The following GSDMC variants were observed in gnomAD, a reference collection of about 807,000 sequenced individuals.
GSDMC encodes gasdermin C, also known as gasdermin-C.
In GSDMC, 59 loss-of-function variants were observed where a neutral mutation model predicts 58.0. The ratio of observed to expected loss-of-function variants is 1.02; its 90% confidence interval spans 0.82 to 1.26. GSDMC has a LOEUF of 1.26. Ranked by LOEUF, GSDMC falls within the 50% of genes most tolerant of loss-of-function variation. GSDMC has a pLI of 0.00. For synonymous variants in GSDMC, 241 were observed against 220.2 expected (o/e 1.09, Z -0.83); for missense variants, 659 against 598.5 (o/e 1.10, Z -1.06).
chr8:129,707,297 C>A, the GSDMC span: 3 of 152,114 alleles, frequency 2.0e-5, no homozygotes, highest in Non-Finnish European at 2.9e-5. Context: ...GCACAATCTG[C>A]AGGGCCCAAT....
the GSDMC span, among the ~76,000 whole-genome samples, chr8:129,716,878 G>A: frequency 6.6e-6 from 1 of 152,270 alleles, no homozygotes; most frequent in South Asian, 2.1e-4. Flanking sequence ...ACATAATCAT[G>A]TAGTTTTTGC....
chr8:129,783,832 C>T (rs187553090), intron 1 of GSDMC, among the ~76,000 whole-genome samples: 2 of 152,264 alleles, frequency 1.3e-5, no homozygotes, highest in Admixed American at 6.5e-5. Flanking sequence ...TATTATCTGA[C>T]ATCAAATTAT....
At chr8:129,712,646 T>C in the GSDMC span, among the ~76,000 whole-genome samples, 5 of 152,230 alleles carry the variant, frequency 3.3e-5, no homozygotes, top group Admixed American at 1.3e-4. Context: ...GGGAAGTAGA[T>C]ATGTTATGAA....
chr8:129,751,936 A>G (rs376347446), intron 8 of GSDMC, 45 bp from the exon 9 acceptor site: 22 of 1,585,152 alleles, frequency 1.4e-5, no homozygotes, highest in Non-Finnish European at 1.8e-5. Flanking sequence ...CTCAAAGACT[A>G]GATTTCTCCA....
At chr8:129,744,472 G>A (rs1401125416), downstream of GSDMC, among the ~76,000 whole-genome samples, 1 of 152,206 alleles carries the variant, frequency 6.6e-6, no homozygotes, top group Non-Finnish European at 1.5e-5. Flanking sequence ...ATATTGCCCA[G>A]GAAATGTATA....
the GSDMC span, among the ~76,000 whole-genome samples, chr8:129,710,684 G>A: frequency 6.6e-6 from 1 of 152,198 alleles, no homozygotes; most frequent in Non-Finnish European, 1.5e-5. Flanking sequence ...GATGAACTAA[G>A]AAACTCAAGA....
chr8:129,714,160 G>T, the GSDMC span, among the ~76,000 whole-genome samples: 1 of 152,076 alleles, frequency 6.6e-6, no homozygotes, highest in Non-Finnish European at 1.5e-5. Context: ...ATCTTTTCAA[G>T]TGTGCCTCTT....
the GSDMC span, chr8:129,729,241 A>G: frequency 6.3e-6 from 4 of 637,670 alleles, no homozygotes; most frequent in Non-Finnish European, 1.2e-5. Flanking sequence ...TTCCAAGTGA[A>G]ATAGGTGGAC....
downstream of GSDMC, among the ~76,000 whole-genome samples, chr8:129,746,335 A>T (rs985751703): frequency 6.6e-6 from 1 of 152,216 alleles, no homozygotes; most frequent in Admixed American, 6.5e-5. Context: ...TGAACTGATG[A>T]ATTGGAAAGT....
At chr8:129,767,685 T>C (rs943744074) in intron 3 of GSDMC, among the ~76,000 whole-genome samples, 2 of 150,958 alleles carry the variant, frequency 1.3e-5, no homozygotes, top group Admixed American at 1.3e-4. Context: ...TCAGCCTGTG[T>C]CCCTACCCAA....
downstream of GSDMC, among the ~76,000 whole-genome samples, chr8:129,747,689 G>C (rs1335515358): frequency 6.6e-6 from 1 of 152,108 alleles, no homozygotes; most frequent in Admixed American, 6.5e-5. Context: ...AGGATTCAAG[G>C]AAAATTTGAA....
the GSDMC span, among the ~76,000 whole-genome samples, chr8:129,709,627 G>A: frequency 6.6e-6 from 1 of 151,780 alleles, no homozygotes; most frequent in Non-Finnish European, 1.5e-5. Flanking sequence ...TAGATAGATA[G>A]ATAGATAGAT....
intron 6 of GSDMC, among the ~76,000 whole-genome samples, chr8:129,758,875 T>C (rs996098198): frequency 2.0e-5 from 3 of 151,996 alleles, no homozygotes; most frequent in Non-Finnish European, 2.9e-5. Context: ...CTAAAATTCA[T>C]ATGGAAGCAC....
chr8:129,776,740 G>C (rs1358306448), intron 2 of GSDMC, among the ~76,000 whole-genome samples: 3 of 44,742 alleles, frequency 6.7e-5, no homozygotes, highest in Non-Finnish European at 1.1e-4. Flanking sequence ...GGTTTTTGCT[G>C]TTGTTGTTGT....
chr8:129,725,203 T>C, the GSDMC span, among the ~76,000 whole-genome samples: 2 of 152,166 alleles, frequency 1.3e-5, no homozygotes, highest in African/African-American at 4.8e-5. Context: ...GCTAAATAAG[T>C]GTCCTCAAAT....
the GSDMC span, among the ~76,000 whole-genome samples, chr8:129,737,769 A>G: frequency 1.3e-5 from 2 of 152,358 alleles, no homozygotes; most frequent in East Asian, 3.9e-4. Context: ...CTTCATGACT[A>G]AAACACCAAA....
chr8:129,756,621 A>G (rs1212679634), intron 6 of GSDMC, among the ~76,000 whole-genome samples: 1 of 152,168 alleles, frequency 6.6e-6, no homozygotes, highest in Non-Finnish European at 1.5e-5. Context: ...TCCTCAGCAC[A>G]TGGATCATTC....
At chr8:129,771,017 T>TTA (rs1334989359) in intron 3 of GSDMC, among the ~76,000 whole-genome samples, 2 of 149,648 alleles carry the variant, frequency 1.3e-5, no homozygotes, top group Non-Finnish European at 3.0e-5. Flanking sequence ...ACACATTTTT[T>TTA]TATATATATA....
At chr8:129,718,231 ACAGG>A in the GSDMC span, among the ~76,000 whole-genome samples, 1 of 152,220 alleles carries the variant, frequency 6.6e-6, no homozygotes, top group African/African-American at 2.4e-5. Context: ...AACAAAGTAA[ACAGG>A]CAACCTACCA....
Sources: allele counts gnomAD v4.1 joint callset (sites outside exome capture counted in the v4.1 genomes callset), GRCh38; gene constraint gnomAD v4.1.1; transcripts MANE v1.5; gene names NCBI Gene and HGNC (gene_info 2026-07-23, HGNC 2026-07-21).